AGO3: variants seen among roughly 807,000 people sequenced by gnomAD.
AGO3 encodes argonaute RISC catalytic component 3, also known as protein argonaute-3.
AGO3 carries 16 observed loss-of-function variants against 105.5 expected under a neutral mutation model. That is an observed-to-expected ratio of 0.15 (90% CI 0.10 to 0.23). AGO3 has a LOEUF of 0.23. Ranked by LOEUF, AGO3 falls within the 10% of genes least tolerant of loss-of-function variation. The pLI, the probability that AGO3 is intolerant of heterozygous loss-of-function variation, is 1.00. For missense variants in AGO3, 534 were observed against 1,088.0 expected (o/e 0.49, Z 7.16); for synonymous variants, 340 against 367.3 (o/e 0.93, Z 0.85).
chr1:35,969,560 A>G (rs1322558542), intron 3 of AGO3, among the ~76,000 whole-genome samples: 1 of 152,184 alleles, frequency 6.6e-6, no homozygotes, highest in African/African-American at 2.4e-5. Flanking sequence ...CACTGCCCAG[A>G]TTGTCCCAGA....
rs552047946 is a variant in AGO3 at position 35,978,118 on chromosome 1, TACTTAA to T, written c.658+4615_658+4620del. Among the ~76,000 whole-genome samples, 50 of 152,358 alleles carry T rather than the reference TACTTAA, an allele frequency of 3.3e-4. 1 individual carries two copies. Among genetic ancestry groups the T allele is most frequent in the African/African-American group, 9.1e-4 (38 of 41,590 alleles). ...TATTCTAGCTCAGGTGTATATTTAG[TACTTAA>T]ACTTAAATACTTGAATCAATGAAAT... On this transcript the variant is annotated intron_variant, in intron 5 of 18. Transcript: ENST00000373191.
At chr1:36,010,837 C>T (rs1362385792) in intron 9 of AGO3, among the ~76,000 whole-genome samples, 2 of 143,508 alleles carry the variant, frequency 1.4e-5, no homozygotes, top group Admixed American at 1.4e-4. Context: ...ACCCGGGAGG[C>T]GCAGGTTGCG....
chr1:35,945,801 G>C lies in AGO3; in HGVS notation c.129G>C (p.Lys43Asn). ...ACTGTTTTCAAGTTGAAATCCCAAA[G>C]ATTGATGTCTACCTCTATGAGGTAG... The part of the protein sequence containing the change: ...LANCFQVEIP[K>N]IDVYLYEVDI... The change falls in exon 2 of 19, where the codon AAG becomes AAC. Residue 43 changes from lysine to asparagine, a missense_variant. This residue lies in a region of AGO3 where 161 missense variants were observed against 234.0 expected (regional missense o/e 0.69). Transcript: ENST00000373191. The C allele has an allele frequency of 1.2e-6, 2 of 1,613,824 alleles. No individual in the cohort carries two copies.
At chr1:35,932,090 G>A (rs942137004) in intron 1 of AGO3, among the ~76,000 whole-genome samples, 6 of 152,072 alleles carry the variant, frequency 3.9e-5, no homozygotes, top group Non-Finnish European at 8.8e-5. Context: ...AGAAGTAGTT[G>A]TCATATTCCT....
At chr1:36,033,090 G>A (rs1233706952) in intron 12 of AGO3, among the ~76,000 whole-genome samples, 3 of 152,002 alleles carry the variant, frequency 2.0e-5, no homozygotes, top group African/African-American at 7.2e-5. Flanking sequence ...CCGAGATTGC[G>A]CCGTTGCACT....
chr1:35,973,024 G>A (rs1178137472), intron 4 of AGO3, among the ~76,000 whole-genome samples: 1 of 151,310 alleles, frequency 6.6e-6, no homozygotes, highest in Non-Finnish European at 1.5e-5. Context: ...AAGAAAAATA[G>A]TATGTCTTGC....
chr1:36,049,735 G>A (rs1287955311), intron 17 of AGO3, among the ~76,000 whole-genome samples: 2 of 151,880 alleles, frequency 1.3e-5, no homozygotes, highest in African/African-American at 4.8e-5. Flanking sequence ...CCATGCAAGC[G>A]GAAAAGAAAT....
intron 5 of AGO3, among the ~76,000 whole-genome samples, chr1:35,979,669 TAGG>T (rs773979830): frequency 6.6e-6 from 1 of 152,166 alleles, no homozygotes; most frequent in African/African-American, 2.4e-5. Flanking sequence ...GCTACTGTAT[TAGG>T]AGCATATATA....
In AGO3 at chr1:36,035,401, A is replaced by C. The variant is rs181856149; in HGVS notation, c.1752-776A>C. ...GGGCAACACAGTGAGACCCTGTCTC[A>C]AAAAAACAATAATAACATAAAGTAA... On this transcript the variant is annotated intron_variant, in intron 13 of 18. Coordinates refer to ENST00000373191, the MANE Select transcript of AGO3 (RefSeq NM_024852.4). Among the ~76,000 whole-genome samples the C allele has an allele frequency of 9.9e-5, 15 of 152,194 alleles. 1 individual carries two copies. Among genetic ancestry groups the C allele is most frequent in the African/African-American group, 3.1e-4 (13 of 41,522 alleles).
rs1054909228 is a variant in AGO3 at position 36,071,880 on chromosome 1, T to C, written c.*16135T>C. On this transcript the variant is annotated 3_prime_UTR_variant, in exon 19 of 19. Transcript: ENST00000373191. ...TGGAGAATGGATGAGAGCAAGTCTA[T>C]GATATATATGTAGTCATTGTATAAT... is the stretch of plus-strand genomic sequence containing the variant. The C allele has an allele frequency of 2.6e-5, 4 of 152,146 alleles. No homozygotes were observed. The highest frequency in any genetic ancestry group is 4.4e-5 in the Non-Finnish European group (3 of 68,028). The allele number at this position is 152,146 out of a possible 1,614,324, so 9.4% of individuals were successfully genotyped here. A position where few individuals can be genotyped will look rare whatever the true frequency, so the allele number is the denominator to read the frequency against.
intron 5 of AGO3, among the ~76,000 whole-genome samples, chr1:35,974,705 C>T (rs1298083212): frequency 1.3e-5 from 2 of 152,078 alleles, no homozygotes; most frequent in Admixed American, 6.5e-5. Flanking sequence ...GTTCACTGAT[C>T]GTTGTGGCCC....
intron 1 of AGO3, among the ~76,000 whole-genome samples, chr1:35,932,705 TC>T (rs1557637345): frequency 6.6e-6 from 1 of 152,166 alleles, no homozygotes; most frequent in Non-Finnish European, 1.5e-5. Flanking sequence ...CGACTCTTAT[TC>T]AGTTTTGATT....
At position 36,008,264 on chromosome 1, in the gene AGO3, A is replaced by G. The variant is rs1327558564; in HGVS notation, c.794-426A>G. On this transcript the variant is annotated intron_variant, in intron 6 of 18. Coordinates refer to ENST00000373191, the MANE Select transcript of AGO3 (RefSeq NM_024852.4). The surrounding 1 kb of genome is among the most constrained non-coding windows in gnomAD (Gnocchi z 5.1). ...TACAAAATTCTGATCTTCAAGCAGTATGTGATGACTGGGCTAGGTAAATAT... is the reference window on the plus strand; with the variant it reads ...TACAAAATTCTGATCTTCAAGCAGTGTGTGATGACTGGGCTAGGTAAATAT... 6.6e-6 allele frequency among the ~76,000 whole-genome samples: 1 copy of G among 152,230 alleles called. No homozygotes were observed. The highest frequency in any genetic ancestry group is 6.5e-5 in the Admixed American group (1 of 15,274).
At chr1:35,949,619 G>A (rs1249752185) in intron 2 of AGO3, among the ~76,000 whole-genome samples, 1 of 152,104 alleles carries the variant, frequency 6.6e-6, no homozygotes, top group African/African-American at 2.4e-5. Context: ...AAAACAAATT[G>A]TTTTATTTCC....
chr1:35,980,440 A>G (rs1238988440), intron 5 of AGO3, among the ~76,000 whole-genome samples: 2 of 152,174 alleles, frequency 1.3e-5, no homozygotes, highest in African/African-American at 2.4e-5. Context: ...TTTGTTTTCA[A>G]TCTTAAATCT....
intron 16 of AGO3, 98 bp from the exon 17 acceptor site, chr1:36,043,342 AGTGAAAT>A: frequency 1.2e-6 from 1 of 807,284 alleles, no homozygotes; most frequent in Non-Finnish European, 2.0e-6. Context: ...AGGTGAAAGT[AGTGAAAT>A]GTAGGATCAG....
At chr1:35,961,236 C>G (rs538040916) in intron 2 of AGO3, among the ~76,000 whole-genome samples, 1 of 152,124 alleles carries the variant, frequency 6.6e-6, no homozygotes, top group South Asian at 2.1e-4. Context: ...CACGTGTGAG[C>G]CACTGCGCCT....
intron 2 of AGO3, among the ~76,000 whole-genome samples, chr1:35,949,889 G>T (rs1646437853): frequency 6.6e-6 from 1 of 152,176 alleles, no homozygotes; most frequent in Non-Finnish European, 1.5e-5. Context: ...GGGATTACAG[G>T]CATGAGCCAC....
At chr1:36,009,128 G>C in intron 8 of AGO3, 84 bp downstream of exon 8, 4 of 1,355,992 alleles carry the variant, frequency 2.9e-6, no homozygotes, top group Non-Finnish European at 3.8e-6. Context: ...ACCTCATACA[G>C]AACATTTATT....
Sources: allele counts gnomAD v4.1 joint callset (sites outside exome capture counted in the v4.1 genomes callset), GRCh38; gene constraint gnomAD v4.1.1; regional missense constraint gnomAD v4.1.1; non-coding constraint Gnocchi (gnomAD v3.1); transcripts MANE v1.5; gene names NCBI Gene and HGNC (gene_info 2026-07-23, HGNC 2026-07-21).